The following GALNT17 variants were observed in gnomAD, a reference collection of about 807,000 sequenced individuals.
The protein encoded by GALNT17 is polypeptide N-acetylgalactosaminyltransferase 17, also known as UDP-GalNAc:polypeptide N-acetylgalactosaminyltransferase-like 3.
Under a neutral mutation model 63.7 loss-of-function variants are expected in GALNT17, and 29 were observed. That is an observed-to-expected ratio of 0.46 (90% CI 0.34 to 0.62). GALNT17 has a LOEUF of 0.62. Among genes scored for constraint, GALNT17 ranks in the 20% least tolerant of loss-of-function variants. GALNT17 has a pLI of 0.01. For missense variants in GALNT17, 603 were observed against 799.6 expected (o/e 0.75, Z 2.97); for synonymous variants, 305 against 318.3 (o/e 0.96, Z 0.45).
intron 1 of GALNT17, among the ~76,000 whole-genome samples, chr7:71,187,621 C>T (rs1788875728): frequency 6.6e-6 from 1 of 152,260 alleles, no homozygotes; most frequent in East Asian, 1.9e-4. Context: ...TCAGAGTACA[C>T]TTTGTGCTTC....
In GALNT17 at chr7:71,665,491, T is replaced by C. The variant is rs1790971417; in HGVS notation, c.1161T>C (p.Asn387=). ...TTGAGCGGAAGAAGAAGCCATATAA[T>C]AGCAACATTGGCTTCTACACCAAGA... ...AHIERKKKPY[N]SNIGFYTKRN... The change falls in exon 7 of 11, where the codon AAT becomes AAC. Residue 387 remains asparagine (N), a synonymous_variant. Transcript: ENST00000333538. 1 of 1,613,660 alleles carries C rather than the reference T, an allele frequency of 6.2e-7. No homozygotes were observed. The highest frequency in any genetic ancestry group is 8.5e-7 in the Non-Finnish European group (1 of 1,179,980).
intron 2 of GALNT17, among the ~76,000 whole-genome samples, chr7:71,346,874 G>T (rs968941452): frequency 6.6e-6 from 1 of 151,946 alleles, no homozygotes; most frequent in Non-Finnish European, 1.5e-5. Context: ...AGTAGCTATT[G>T]CCTGTGATGG....
At chr7:71,491,169 G>A (rs10258542) in intron 5 of GALNT17, among the ~76,000 whole-genome samples, 1,932 of 152,208 alleles carry the variant, frequency 0.013, 33 homozygotes, top group African/African-American at 0.045. Flanking sequence ...ACTCCAGCCT[G>A]GGCAACAAGA....
chr7:71,323,255 C>T (rs1388962550), intron 1 of GALNT17, among the ~76,000 whole-genome samples: 12 of 151,992 alleles, frequency 7.9e-5, no homozygotes, highest in Admixed American at 3.9e-4. Context: ...AACTATAAAC[C>T]AGGAATGCAG....
chr7:71,570,211 T>A (rs1273686514), intron 5 of GALNT17, among the ~76,000 whole-genome samples: 1 of 152,120 alleles, frequency 6.6e-6, no homozygotes. Context: ...AATAAAATAA[T>A]CCTTTGTCCC....
chr7:71,385,602 G>C (rs1476466691), intron 2 of GALNT17, among the ~76,000 whole-genome samples: 1 of 152,148 alleles, frequency 6.6e-6, no homozygotes, highest in African/African-American at 2.4e-5. Context: ...TTAACCCCAG[G>C]GGAGGTGGAG....
intron 1 of GALNT17, among the ~76,000 whole-genome samples, chr7:71,282,905 G>T (rs561195593): frequency 6.6e-6 from 1 of 152,184 alleles, no homozygotes; most frequent in East Asian, 1.9e-4. Context: ...CAATGTGGGG[G>T]TGAAGGCTCA....
chr7:71,433,458 T>A (rs2960862), intron 5 of GALNT17, among the ~76,000 whole-genome samples: 211 of 152,328 alleles, frequency 1.4e-3, no homozygotes, highest in African/African-American at 4.9e-3. Flanking sequence ...ATTGCATAAC[T>A]CTATGACTAT....
At chr7:71,216,989 G>A (rs1158895627) in intron 1 of GALNT17, among the ~76,000 whole-genome samples, 1 of 151,978 alleles carries the variant, frequency 6.6e-6, no homozygotes, top group Admixed American at 6.6e-5. Context: ...TTTGAGACAG[G>A]GTCTTGCCCT....
At chr7:71,197,995 C>T (rs543201650) in intron 1 of GALNT17, among the ~76,000 whole-genome samples, 12 of 151,822 alleles carry the variant, frequency 7.9e-5, no homozygotes, top group Admixed American at 2.0e-4. Flanking sequence ...GTTGGGAGTT[C>T]GAGACCAGCC....
chr7:71,157,668 A>AG (rs1208446157), intron 1 of GALNT17, among the ~76,000 whole-genome samples: 3 of 151,398 alleles, frequency 2.0e-5, no homozygotes, highest in African/African-American at 7.3e-5. Flanking sequence ...AGAAAGAAAA[A>AG]AATATTGAGG....
At chr7:71,248,601 A>G (rs1264215719) in intron 1 of GALNT17, among the ~76,000 whole-genome samples, 2 of 152,118 alleles carry the variant, frequency 1.3e-5, no homozygotes, top group Admixed American at 1.3e-4. Flanking sequence ...TTTTTTTCAG[A>G]TCACTTCATT....
At chr7:71,142,919 C>A (rs1177184374) in intron 1 of GALNT17, among the ~76,000 whole-genome samples, 16 of 138,146 alleles carry the variant, frequency 1.2e-4, no homozygotes, top group Admixed American at 3.1e-4. Context: ...GTAGCCTGGG[C>A]GACAGGGCGA....
chr7:71,418,697 C>T (rs1356051988), intron 4 of GALNT17, among the ~76,000 whole-genome samples: 1 of 152,154 alleles, frequency 6.6e-6, no homozygotes, highest in East Asian at 1.9e-4. Context: ...TCTAAGGAAG[C>T]ATTGCAGGCC....
intron 2 of GALNT17, among the ~76,000 whole-genome samples, chr7:71,366,438 A>G (rs369430342): frequency 4.6e-5 from 7 of 152,038 alleles, no homozygotes; most frequent in Non-Finnish European, 7.4e-5. Flanking sequence ...AAAATTAGCT[A>G]GGCATGGTGG....
chr7:71,465,220 T>C (rs1787515583), intron 5 of GALNT17, among the ~76,000 whole-genome samples: 1 of 152,218 alleles, frequency 6.6e-6, no homozygotes, highest in Admixed American at 6.5e-5. Flanking sequence ...CTTGTGGGTA[T>C]ACCCTCCTTA....
At chr7:71,327,579 G>T (rs969175660) in intron 1 of GALNT17, among the ~76,000 whole-genome samples, 2 of 152,078 alleles carry the variant, frequency 1.3e-5, no homozygotes, top group Non-Finnish European at 2.9e-5. Context: ...TATCTGTGAG[G>T]ATACAGATAC....
intron 2 of GALNT17, among the ~76,000 whole-genome samples, chr7:71,340,591 C>G (rs971142492): frequency 6.6e-5 from 10 of 152,170 alleles, no homozygotes; most frequent in Admixed American, 2.0e-4. Context: ...CACTAGACAT[C>G]TCAGTAGAGT....
chr7:71,710,886 C>G lies in GALNT17; in HGVS notation c.1626C>G (p.Asp542Glu). 2.5e-6 allele frequency: 4 copies of G among 1,614,006 alleles called. No homozygotes were observed. The highest frequency in any genetic ancestry group is 3.4e-6 in the Non-Finnish European group (4 of 1,180,038). The stretch of plus-strand genomic sequence containing the variant: ...GGCTGCCCCAGCTCCTGGACTGCGA[C>G]AAGGTCAAGAGCAGCCTGTACAAGC... ...KSRLPQLLDC[D>E]KVKSSLYKRW... Residue 542 changes from aspartate (D) to glutamate (E), a missense_variant, in exon 10 of 11, where the codon GAC becomes GAG. Transcript: ENST00000333538.
Sources: allele counts gnomAD v4.1 joint callset (sites outside exome capture counted in the v4.1 genomes callset), GRCh38; gene constraint gnomAD v4.1.1; transcripts MANE v1.5; gene names NCBI Gene and HGNC (gene_info 2026-07-23, HGNC 2026-07-21).